Variants in SDK2 observed in about 807,000 individuals in gnomAD.
The protein encoded by SDK2 is protein sidekick-2.
A neutral mutation model predicts 253.9 loss-of-function variants in SDK2; 105 were observed. The observed-to-expected ratio is 0.41, with a 90% CI of 0.35 to 0.49. SDK2 has a LOEUF of 0.49. Among genes scored for constraint, SDK2 ranks in the 20% least tolerant of loss-of-function variants. The pLI, the probability that SDK2 is intolerant of heterozygous loss-of-function variation, is 0.06. For synonymous variants in SDK2, 1,249 were observed against 1,234.9 expected, an observed-to-expected ratio of 1.01 and a Z score of -0.24; for missense variants, 2,608 against 3,003.0, an observed-to-expected ratio of 0.87 and a Z score of 3.07.
chr17:73,417,239 A>AC (rs2063190188), intron 16 of SDK2, among the ~76,000 whole-genome samples: 1 of 74,712 alleles, frequency 1.3e-5, no homozygotes, highest in Non-Finnish European at 3.3e-5. Context: ...TCTTGTCTCT[A>AC]CTAAAAAAAA....
In SDK2 at chr17:73,386,938, C is replaced by CT. The variant is rs201543751; in HGVS notation, c.4395-391dup. 5.5e-3 allele frequency among the ~76,000 whole-genome samples: 836 copies of CT among 151,834 alleles called. 7 individuals are homozygous for CT. The highest frequency in any genetic ancestry group is 0.019 in the African/African-American group (792 of 41,446). Reference sequence around the variant, plus strand: ...GCCCCCAACAAACTGCCATCTCTTTCTTTTTTTTTGTTTGAGATGGAGTCT... The same window carrying CT: ...GCCCCCAACAAACTGCCATCTCTTTCTTTTTTTTTTGTTTGAGATGGAGTCT... On this transcript the variant is annotated intron_variant, in intron 30 of 44. Transcript: ENST00000392650.
At chr17:73,615,835 A>G (rs1416389030) in intron 1 of SDK2, among the ~76,000 whole-genome samples, 1 of 152,106 alleles carries the variant, frequency 6.6e-6, no homozygotes, top group Non-Finnish European at 1.5e-5. Flanking sequence ...CATATACACA[A>G]ATACACATAC....
intron 1 of SDK2, among the ~76,000 whole-genome samples, chr17:73,627,213 G>A (rs906498873): frequency 9.2e-5 from 14 of 152,174 alleles, no homozygotes; most frequent in African/African-American, 3.4e-4. Context: ...TATAAATGGT[G>A]GTTATTACCA....
intron 18 of SDK2, among the ~76,000 whole-genome samples, chr17:73,414,368 G>T (rs931276586): frequency 6.6e-6 from 1 of 152,064 alleles, no homozygotes; most frequent in Admixed American, 6.6e-5. Flanking sequence ...GTGTTTCTGA[G>T]CCTGAAATAA....
At chr17:73,495,871 G>A (rs2063838425) in intron 2 of SDK2, among the ~76,000 whole-genome samples, 1 of 152,118 alleles carries the variant, frequency 6.6e-6, no homozygotes. Flanking sequence ...TGAGTACACT[G>A]GCTCCATGCC....
At chr17:73,531,547 T>C (rs1030188510) in intron 1 of SDK2, among the ~76,000 whole-genome samples, 7 of 152,164 alleles carry the variant, frequency 4.6e-5, no homozygotes, top group African/African-American at 1.7e-4. Context: ...CTGCTAAGTA[T>C]TCCTTAAACT....
In SDK2 at chr17:73,340,734, G is replaced by GTTTTTTTTTTT. The variant is rs10638504; in HGVS notation, c.6166-1805_6166-1795dup. Among the ~76,000 whole-genome samples the GTTTTTTTTTTT allele has an allele frequency of 3.7e-4, 29 of 77,558 alleles. 8 individuals carry two copies. The highest frequency in any genetic ancestry group is 4.7e-4 in the Non-Finnish European group (21 of 45,076). The allele number at this position is 77,558 out of a possible 152,430, so 50.9% of individuals were successfully genotyped here. On this transcript the variant is annotated intron_variant, in intron 44 of 44. Coordinates refer to ENST00000392650, the MANE Select transcript of SDK2 (RefSeq NM_001144952.2). ...ATTTTCATGTAATGAAAACCTTAAAGTTTTTTTTTTTTTTTTTTTTTTTTT... is the reference window on the plus strand; with the variant it reads ...ATTTTCATGTAATGAAAACCTTAAAGTTTTTTTTTTTTTTTTTTTTTTTTTTTTTTTTTTTT...
intron 43 of SDK2, among the ~76,000 whole-genome samples, chr17:73,349,311 T>A (rs1222520511): frequency 2.0e-5 from 3 of 152,232 alleles, no homozygotes; most frequent in Non-Finnish European, 4.4e-5. Flanking sequence ...ATCCTCTAGA[T>A]GAACACACAC....
chr17:73,571,644 A>C (rs909710576), intron 1 of SDK2, among the ~76,000 whole-genome samples: 3 of 152,218 alleles, frequency 2.0e-5, no homozygotes, highest in Non-Finnish European at 2.9e-5. Flanking sequence ...AGGAGCTCCG[A>C]GAGCTCTCCT....
chr17:73,453,179 G>A (rs774481760), intron 4 of SDK2, among the ~76,000 whole-genome samples: 2 of 152,156 alleles, frequency 1.3e-5, no homozygotes, highest in Non-Finnish European at 2.9e-5. Context: ...GTTAGCAGAA[G>A]CTGGAAAAGT....
chr17:73,554,217 A>G (rs952458688), intron 1 of SDK2, among the ~76,000 whole-genome samples: 5 of 152,214 alleles, frequency 3.3e-5, no homozygotes, highest in African/African-American at 1.2e-4. Context: ...AATGCCAGGC[A>G]CACAGGGGCA....
chr17:73,607,578 G>A (rs957548250), intron 1 of SDK2, among the ~76,000 whole-genome samples: 2 of 152,172 alleles, frequency 1.3e-5, no homozygotes, highest in Non-Finnish European at 2.9e-5. Context: ...TTCAGTTTGG[G>A]AGGTGGGCCA....
intron 36 of SDK2, among the ~76,000 whole-genome samples, chr17:73,375,155 C>T (rs1323344475): frequency 6.6e-6 from 1 of 151,388 alleles, no homozygotes; most frequent in African/African-American, 2.4e-5. Context: ...TTTCTGGATC[C>T]ATGTGATTTG....
At chr17:73,414,456 C>G (rs2063163456) in intron 18 of SDK2, among the ~76,000 whole-genome samples, 188 bp downstream of exon 18, 1 of 152,148 alleles carries the variant, frequency 6.6e-6, no homozygotes, top group South Asian at 2.1e-4. Context: ...GTCTGCACTT[C>G]CTGTGGCCCA....
chr17:73,450,772 G>A (rs567986937), intron 4 of SDK2, among the ~76,000 whole-genome samples: 1 of 152,278 alleles, frequency 6.6e-6, no homozygotes, highest in South Asian at 2.1e-4. Flanking sequence ...GCCAGCTCGG[G>A]GAGCGCCACT....
chr17:73,512,538 A>AACACACAC (rs1223713482), intron 1 of SDK2, among the ~76,000 whole-genome samples: 12 of 146,066 alleles, frequency 8.2e-5, no homozygotes, highest in African/African-American at 3.0e-4. Flanking sequence ...CTTCACCTCA[A>AACACACAC]ACACACACAC....
intron 1 of SDK2, among the ~76,000 whole-genome samples, chr17:73,564,531 C>T (rs1006135526): frequency 1.4e-4 from 21 of 152,260 alleles, no homozygotes; most frequent in Admixed American, 3.9e-4. Context: ...GACATTAAAA[C>T]GAAACAGCTG....
chr17:73,570,523 T>C lies in SDK2; in HGVS notation c.65-62926A>G, dbSNP rs2045369893. 6.6e-6 allele frequency among the ~76,000 whole-genome samples: 1 copy of C among 152,146 alleles called. No individual in the cohort carries two copies. The highest frequency in any genetic ancestry group is 6.5e-5 in the Admixed American group (1 of 15,276). ...CCACCCAGCACCCCTCTTGTGATGA[T>C]GGCGGTGATGGTGATGGTGAGGCTG... is the stretch of plus-strand genomic sequence containing the variant. On this transcript the variant is annotated intron_variant, in intron 1 of 44. Transcript: ENST00000392650. This position sits in a 1 kb window ranked among gnomAD's most constrained non-coding sequence, Gnocchi z 4.2.
rs190265978 is a variant in SDK2 at position 73,596,947 on chromosome 17, C to G, written c.64+47078G>C. On this transcript the variant is annotated intron_variant, in intron 1 of 44. Transcript: ENST00000392650. ...AGTCCAGGATGCGCAGGCAGAACCC[C>G]GGCCATTTCCATTCTGGGGACTCTG... is the stretch of plus-strand genomic sequence containing the variant. Among the ~76,000 whole-genome samples the G allele has an allele frequency of 2.2e-3, 341 of 152,294 alleles. 1 individual carries two copies. The highest frequency in any genetic ancestry group is 3.3e-3 in the Non-Finnish European group (227 of 68,018).
Sources: gnomAD v4.1 joint callset for allele counts (sites outside exome capture counted in the v4.1 genomes callset) on GRCh38, gnomAD v4.1.1 for gene constraint, Gnocchi (gnomAD v3.1) non-coding constraint, MANE v1.5 for transcripts, NCBI Gene and HGNC (gene_info 2026-07-23, HGNC 2026-07-21) for gene names.